Variants in GPR39 observed in about 807,000 individuals in gnomAD.
GPR39 encodes zinc sensing receptor.
A neutral mutation model predicts 18.4 loss-of-function variants in GPR39; 23 were observed. The ratio of observed to expected loss-of-function variants is 1.25; its 90% CI spans 0.90 to 1.77. The LOEUF is 1.77. Ranked by LOEUF, GPR39 falls within the 40% of genes most tolerant of loss-of-function variation. The pLI, the probability that GPR39 is intolerant of heterozygous loss-of-function variation, is 0.00. For missense variants in GPR39, 647 were observed against 602.4 expected, an observed-to-expected ratio of 1.07 and a Z score of -0.78; for synonymous variants, 280 against 257.9, an observed-to-expected ratio of 1.09 and a Z score of -0.82.
intron 1 of GPR39, among the ~76,000 whole-genome samples, chr2:132,579,348 T>G (rs992358360): frequency 6.6e-6 from 1 of 152,188 alleles, no homozygotes; most frequent in Non-Finnish European, 1.5e-5. Flanking sequence ...CTTTTAAATT[T>G]GTTAAGATTT....
chr2:132,621,590 T>C (rs1681443296), intron 1 of GPR39, among the ~76,000 whole-genome samples: 1 of 152,160 alleles, frequency 6.6e-6, no homozygotes, highest in South Asian at 2.1e-4. Flanking sequence ...AAATGGCCCA[T>C]GTAGTCTAAC....
At chr2:132,452,052 T>G (rs1045021287) in intron 1 of GPR39, among the ~76,000 whole-genome samples, 1 of 152,212 alleles carries the variant, frequency 6.6e-6, no homozygotes, top group Non-Finnish European at 1.5e-5. Flanking sequence ...TTGCTGGGTA[T>G]AAAATTTTTG....
intron 1 of GPR39, among the ~76,000 whole-genome samples, chr2:132,423,454 G>C (rs1339323213): frequency 6.6e-6 from 1 of 152,134 alleles, no homozygotes; most frequent in Non-Finnish European, 1.5e-5. Flanking sequence ...TGAATTTGCA[G>C]GGGACACAGT....
intron 1 of GPR39, among the ~76,000 whole-genome samples, chr2:132,549,131 T>C (rs1282461329): frequency 6.6e-6 from 1 of 152,186 alleles, no homozygotes; most frequent in Non-Finnish European, 1.5e-5. Flanking sequence ...GAACTTCTCA[T>C]AGGCAGGAGC....
At position 132,417,216 on chromosome 2, in the gene GPR39, G is replaced by A; in HGVS notation, c.174G>A (p.Leu58=). 6.2e-7 allele frequency: 1 copy of A among 1,614,180 alleles called. No individual in the cohort carries two copies. Among genetic ancestry groups the A allele is most frequent in the Non-Finnish European group, 8.5e-7 (1 of 1,180,042 alleles). ...CCACCATTCGGGTCACCCAGGTGCT[G>A]CAGAAGAAAGGATACTTGCAGAAGG... ...NSATIRVTQV[L]QKKGYLQKEV... The change falls in exon 1 of 2, where the codon CTG becomes CTA. Residue 58 remains leucine, a synonymous_variant. Coordinates refer to ENST00000329321, the MANE Select transcript of GPR39 (RefSeq NM_001508.3).
At chr2:132,557,090 G>T (rs1349338714) in intron 1 of GPR39, among the ~76,000 whole-genome samples, 1 of 152,104 alleles carries the variant, frequency 6.6e-6, no homozygotes, top group Non-Finnish European at 1.5e-5. Context: ...CCAAGGGGGG[G>T]GGCAGATCAC....
intron 1 of GPR39, among the ~76,000 whole-genome samples, chr2:132,521,109 G>A (rs1027179874): frequency 1.2e-4 from 18 of 152,250 alleles, no homozygotes; most frequent in African/African-American, 3.9e-4. Context: ...GGATGACTTC[G>A]CCTTTCCAAT....
At chr2:132,593,809 G>C (rs993127166) in intron 1 of GPR39, among the ~76,000 whole-genome samples, 2 of 152,126 alleles carry the variant, frequency 1.3e-5, no homozygotes, top group African/African-American at 2.4e-5. Flanking sequence ...ACATTAGAGA[G>C]ATATTTGAGG....
At chr2:132,480,639 A>G (rs770025674) in intron 1 of GPR39, among the ~76,000 whole-genome samples, 167 of 152,208 alleles carry the variant, frequency 1.1e-3, no homozygotes, top group Non-Finnish European at 2.1e-3. Context: ...GGAGAGTGTC[A>G]GAGATGGCTT....
chr2:132,524,994 A>G (rs1457617152), intron 1 of GPR39, among the ~76,000 whole-genome samples: 1 of 152,172 alleles, frequency 6.6e-6, no homozygotes, highest in African/African-American at 2.4e-5. Context: ...AACTGGTGCC[A>G]TATTGCCTCC....
At chr2:132,601,280 C>T (rs549390064) in intron 1 of GPR39, among the ~76,000 whole-genome samples, 3 of 152,244 alleles carry the variant, frequency 2.0e-5, no homozygotes, top group Admixed American at 6.5e-5. Flanking sequence ...AAATGGGATT[C>T]ATTCCAGGGA....
intron 1 of GPR39, among the ~76,000 whole-genome samples, chr2:132,426,867 C>T (rs1202507970): frequency 1.3e-5 from 2 of 151,986 alleles, no homozygotes; most frequent in Non-Finnish European, 2.9e-5. Flanking sequence ...TGTACTTGTT[C>T]AGTGTCTAAC....
At chr2:132,521,698 CT>C (rs11292848) in intron 1 of GPR39, among the ~76,000 whole-genome samples, 105,620 of 152,026 alleles carry the variant, frequency 0.69, 36,920 homozygotes, top group East Asian at 0.8. Flanking sequence ...TGTTCTTTTT[CT>C]TTTCCCCCCC....
intron 1 of GPR39, among the ~76,000 whole-genome samples, chr2:132,483,337 G>T (rs1681269773): frequency 6.6e-6 from 1 of 152,218 alleles, no homozygotes; most frequent in African/African-American, 2.4e-5. Context: ...CCCATGGAAT[G>T]CCATGACTTC....
rs1573653493 is a variant in GPR39 at position 132,536,059 on chromosome 2, GTC to G, written c.857-109038_857-109037del. ...TATTTGATTGTTTGAAAGGTTTTTT[GTC>G]TCTGTCTCCTTCAGTTCTGGTCTGA... On this transcript the variant is annotated intron_variant, in intron 1 of 1. Coordinates refer to ENST00000329321, the MANE Select transcript of GPR39 (RefSeq NM_001508.3). 2.1e-5 allele frequency among the ~76,000 whole-genome samples: 3 copies of G among 143,376 alleles called. No homozygotes were observed. In the East Asian group the frequency reaches 6.3e-4, roughly 30 times the overall value. 94.1% of individuals were successfully genotyped at this position (143,376 alleles called of 152,430 possible).
chr2:132,493,228 C>T (rs1331145620), intron 1 of GPR39, among the ~76,000 whole-genome samples: 1 of 142,620 alleles, frequency 7.0e-6, no homozygotes, highest in African/African-American at 2.6e-5. Flanking sequence ...ACCATATATA[C>T]ACCATATATA....
At chr2:132,522,089 C>T (rs748093217) in intron 1 of GPR39, among the ~76,000 whole-genome samples, 22 of 152,178 alleles carry the variant, frequency 1.4e-4, no homozygotes, top group Admixed American at 1.2e-3. Context: ...CTAGATCCTT[C>T]CCTGTGGCCC....
chr2:132,546,576 A>G (rs1436272373), intron 1 of GPR39, among the ~76,000 whole-genome samples: 1 of 152,146 alleles, frequency 6.6e-6, no homozygotes, highest in Admixed American at 6.5e-5. Context: ...TCTACCCAGT[A>G]TTCCTATCAC....
intron 1 of GPR39, among the ~76,000 whole-genome samples, chr2:132,599,400 C>T (rs545768487): frequency 5.9e-5 from 9 of 152,270 alleles, no homozygotes; most frequent in East Asian, 3.9e-4. Flanking sequence ...GTTCTCTCTC[C>T]GTCTGCCTTT....
Sources: gnomAD v4.1 joint callset for allele counts (sites outside exome capture counted in the v4.1 genomes callset) on GRCh38, gnomAD v4.1.1 for gene constraint, MANE v1.5 for transcripts, NCBI Gene and HGNC (gene_info 2026-07-23, HGNC 2026-07-21) for gene names.